ELP5: variants seen among roughly 807,000 people sequenced by gnomAD.
The protein encoded by ELP5 is elongator acetyltransferase complex subunit 5.
ELP5 carries 34 observed loss-of-function variants against 33.4 expected under a neutral mutation model. That is an observed-to-expected ratio of 1.02 (90% CI 0.78 to 1.36). The LOEUF is 1.36. ELP5 is among the 40% of genes most tolerant of loss of function. The pLI is 0.00. For missense variants in ELP5, 373 were observed against 371.7 expected, an observed-to-expected ratio of 1.00 and a Z score of -0.03; for synonymous variants, 161 against 146.4, an observed-to-expected ratio of 1.10 and a Z score of -0.72.
At chr17:7,252,860 A>G (rs2071979113) in intron 2 of ELP5, 30 bp downstream of exon 2, 1 of 1,614,092 alleles carries the variant, frequency 6.2e-7, no homozygotes, top group South Asian at 1.1e-5. Context: ...TCCCCGGCCT[A>G]CCCTGGATAG....
intron 3 of ELP5, among the ~76,000 whole-genome samples, chr17:7,253,250 C>T (rs998592825): frequency 6.6e-6 from 1 of 152,160 alleles, no homozygotes; most frequent in Non-Finnish European, 1.5e-5. Context: ...AAGGGTATTG[C>T]AGTAATCCGT....
chr17:7,259,030 C>A, intron 7 of ELP5, 104 bp downstream of exon 7: 1 of 1,532,386 alleles, frequency 6.5e-7, no homozygotes, highest in Non-Finnish European at 8.8e-7. Context: ...TTTATAGGGA[C>A]TGAAGTCCAC....
In ELP5 at chr17:7,259,617, A is replaced by G. The variant is rs1567594710; in HGVS notation, c.835A>G (p.Ile279Val). 3.1e-6 allele frequency: 5 copies of G among 1,614,280 alleles called. No homozygotes were observed. The Admixed American group carries it at 5.0e-5, about 16-fold the overall frequency. The change falls in exon 8 of 8, where the codon ATC (isoleucine) becomes GTC (valine). Residue 279 changes from isoleucine (I) to valine (V), a missense_variant. Coordinates refer to ENST00000396628, the MANE Select transcript of ELP5 (RefSeq NM_203414.3). The stretch of plus-strand genomic sequence containing the variant: ...TAGGCCAGGGCAGGCTACCAGCCAC[A>G]TCTTCTATGAGCCAGATGCTTATGA... Reference protein sequence around the residue: ...RPRPGQATSHIFYEPDAYDDL... With the variant: ...RPRPGQATSHVFYEPDAYDDL...
In ELP5 at chr17:7,254,647, G is replaced by A. The variant is rs528401635; in HGVS notation, c.253G>A (p.Gly85Arg). ...NWSKTEEAFP[G>R]GPLGALRAMC... ...GTCAAAAACTGAGGAGGCCTTTCCT[G>A]GGGGGCCGCTGGGAGCCTTGAGAGC... is the stretch of plus-strand genomic sequence containing the variant. The change falls in exon 4 of 8, where the codon GGG becomes AGG. Residue 85 changes from glycine to arginine, a missense_variant. By Grantham distance (125) the Gly-to-Arg change is moderately radical. Transcript: ENST00000396628. The A allele has an allele frequency of 1.2e-5, 19 of 1,613,960 alleles. No individual in the cohort carries two copies. Among genetic ancestry groups the A allele is most frequent in the Non-Finnish European group, 1.4e-5 (16 of 1,180,012 alleles).
rs1356578197 is a variant in ELP5 at position 7,252,904 on chromosome 17, C to T, written c.108-14C>T. The T allele has an allele frequency of 1.9e-6, 3 of 1,614,204 alleles. No homozygotes were observed. The highest frequency in any genetic ancestry group is 4.5e-5 in the East Asian group (2 of 44,888). ...TGCCCACTCTTTGACAATCCCTTCT[C>T]ATCTCTGCCTTAGTGGGGAGCAAGT... On this transcript the variant is annotated splice_polypyrimidine_tract_variant and intron_variant, in intron 2 of 7. Coordinates refer to ENST00000396628, the MANE Select transcript of ELP5 (RefSeq NM_203414.3).
chr17:7,253,896 C>G (rs1315228039), intron 3 of ELP5, among the ~76,000 whole-genome samples: 1 of 151,762 alleles, frequency 6.6e-6, no homozygotes. Context: ...ACTCAGGAGG[C>G]TGAGGCAGGA....
At chr17:7,252,883 C>T (rs1453874462) in intron 2 of ELP5, 35 bp from the exon 3 acceptor site, 1 of 1,614,106 alleles carries the variant, frequency 6.2e-7, no homozygotes, top group Non-Finnish European at 8.5e-7. Context: ...CACCTGTGCC[C>T]ACTCTTTGAC....
At position 7,259,817 on chromosome 17, in the gene ELP5, C is replaced by T. The variant is rs1043865413; in HGVS notation, c.*132C>T. On this transcript the variant is annotated 3_prime_UTR_variant, in exon 8 of 8. Transcript: ENST00000396628. The stretch of plus-strand genomic sequence containing the variant: ...TTGGTTCCCCTTGTCTATGGAGCCC[C>T]GCCTTGTGAGCCAGGAAGCAGCGTC... The T allele has an allele frequency of 3.4e-5, 50 of 1,457,550 alleles. No individual in the cohort carries two copies. The highest frequency in any genetic ancestry group is 4.5e-5 in the Admixed American group (2 of 44,076). 90.3% of individuals were successfully genotyped at this position (1,457,550 alleles called of 1,614,324 possible). A position where few individuals can be genotyped will look rare whatever the true frequency, so the allele number is the denominator to read the frequency against.
chr17:7,255,404 T>G (rs1451717837), intron 4 of ELP5, among the ~76,000 whole-genome samples: 1 of 151,836 alleles, frequency 6.6e-6, no homozygotes, highest in Non-Finnish European at 1.5e-5. Context: ...GGCGGGCACC[T>G]CTAGTCCCAG....
Position 7,252,960 on chromosome 17 carries a change from A to G in ELP5, c.150A>G (p.Glu50=), listed in dbSNP as rs746985027. The G allele has an allele frequency of 1.2e-5, 20 of 1,614,026 alleles. 1 individual carries two copies. In the South Asian group the frequency reaches 2.0e-4, roughly 16 times the overall value. The change falls in exon 3 of 8, where the codon GAA becomes GAG. Residue 50 remains glutamate (E), a synonymous_variant. Transcript: ENST00000396628. ...TCCTGGGCTGTGAAGTGAGCGAGGA[A>G]GAGTTTCGTGAAGGTTTTGACTCTG... ...VHILGCEVSE[E]EFREGFDSDI...
Position 7,254,684 on chromosome 17 carries a change from G to C in ELP5, c.290G>C (p.Arg97Thr). Reference protein sequence around the residue: ...PLGALRAMCKRTDPVPVTIAL... With the variant: ...PLGALRAMCKTTDPVPVTIAL... ...GGAGCCTTGAGAGCCATGTGCAAGA[G>C]GACAGATCCTGTTCCTGTCACCATT... The change falls in exon 4 of 8, where the codon AGG becomes ACG. Residue 97 changes from arginine to threonine, a missense_variant. Arg to Thr is a moderately conservative substitution (Grantham distance 71). Transcript: ENST00000396628. 3 of 1,614,098 alleles carry C rather than the reference G, an allele frequency of 1.9e-6. No individual in the cohort carries two copies. Among genetic ancestry groups the C allele is most frequent in the Non-Finnish European group, 2.5e-6 (3 of 1,180,028 alleles).
At position 7,258,773 on chromosome 17, in the gene ELP5, G is replaced by A. The variant is rs2072140953; in HGVS notation, c.688-53G>A. The A allele has an allele frequency of 3.7e-6, 6 of 1,613,982 alleles. No individual in the cohort carries two copies. In the Admixed American group the frequency reaches 6.7e-5, roughly 18 times the overall value. On this transcript the variant is annotated intron_variant, in intron 6 of 7. Transcript: ENST00000396628. Reference sequence around the variant, plus strand: ...ATAAAAGCTGCAGAGGTTGGGGGTGGGGTCAGGGATTCTAGGGATGGGGCA... The same window carrying A: ...ATAAAAGCTGCAGAGGTTGGGGGTGAGGTCAGGGATTCTAGGGATGGGGCA...
At chr17:7,254,511 T>C in intron 3 of ELP5, 72 bp from the exon 4 acceptor site, 1 of 1,096,666 alleles carries the variant, frequency 9.1e-7, no homozygotes, top group South Asian at 1.5e-5. Context: ...GCCATAAAGA[T>C]CAGAGGATGA....
chr17:7,258,148 C>T (rs2072119206), intron 5 of ELP5, among the ~76,000 whole-genome samples: 1 of 152,046 alleles, frequency 6.6e-6, no homozygotes, highest in Admixed American at 6.6e-5. Flanking sequence ...CTTGCTTTCA[C>T]TTTTGAAAAT....
chr17:7,253,812 A>T (rs962652074), intron 3 of ELP5, among the ~76,000 whole-genome samples: 10 of 152,194 alleles, frequency 6.6e-5, no homozygotes, highest in Admixed American at 2.0e-4. Context: ...CCTGACCAAC[A>T]TGGAGAAACC....
intron 7 of ELP5, chr17:7,259,328 A>T: frequency 7.1e-7 from 1 of 1,398,818 alleles, no homozygotes; most frequent in South Asian, 1.6e-5. Flanking sequence ...GCAAGACTAC[A>T]AGATCCTTGC....
At chr17:7,255,019 T>TTCAC in intron 4 of ELP5, 1 of 578,012 alleles carries the variant, frequency 1.7e-6, no homozygotes, top group Non-Finnish European at 3.0e-6. Context: ...ACTCATTTGT[T>TTCAC]TCACTCATTC....
intron 4 of ELP5, among the ~76,000 whole-genome samples, chr17:7,256,519 G>C (rs766575764): frequency 2.3e-4 from 35 of 152,190 alleles, no homozygotes; most frequent in Non-Finnish European, 4.7e-4. Context: ...CTGAGATCTT[G>C]GGAAGTTCCA....
rs1319438370 is a variant in ELP5, at chr17:7,252,794, G to A, written c.71G>A (p.Ser24Asn). Residue 24 changes from serine to asparagine, a missense_variant, in exon 2 of 8, where the codon AGT becomes AAT. Transcript: ENST00000396628. ...LRDSVEWEGRSLLKALVKKSA... is the reference protein window; with the variant it reads ...LRDSVEWEGRNLLKALVKKSA... ...GATTCCGTGGAGTGGGAGGGGCGCA[G>A]TCTCTTGAAGGCGCTTGTCAAGAAA... is the stretch of plus-strand genomic sequence containing the variant. The A allele has an allele frequency of 6.2e-7, 1 of 1,614,250 alleles. No homozygotes were observed. The highest frequency in any genetic ancestry group is 8.5e-7 in the Non-Finnish European group (1 of 1,180,048).
Sources: allele counts gnomAD v4.1 joint callset (sites outside exome capture counted in the v4.1 genomes callset), GRCh38; gene constraint gnomAD v4.1.1; transcripts MANE v1.5; gene names NCBI Gene and HGNC (gene_info 2026-07-23, HGNC 2026-07-21).